WDR36: variants seen among roughly 807,000 people sequenced by gnomAD.
WDR36 encodes WD repeat-containing protein 36.
WDR36 carries 63 observed loss-of-function variants against 112.7 expected under a neutral mutation model. That is an observed-to-expected ratio of 0.56 (90% CI 0.46 to 0.69). The LOEUF (loss-of-function observed/expected upper bound fraction) is 0.69, where lower values mean the gene tolerates loss of function less well. Among genes scored for constraint, WDR36 ranks in the 30% least tolerant of loss-of-function variants. WDR36 has a pLI of 0.00. For synonymous variants in WDR36, 410 were observed against 362.2 expected (o/e 1.13, Z -1.50); for missense variants, 1,226 against 1,070.3 (o/e 1.15, Z -2.03).
chr5:111,101,483 A>AGT (rs1168068606), intron 5 of WDR36, among the ~76,000 whole-genome samples: 1 of 151,884 alleles, frequency 6.6e-6, no homozygotes, highest in African/African-American at 2.4e-5. Flanking sequence ...TAGGGTTAAA[A>AGT]GTACTTCCAT....
intron 21 of WDR36, 46 bp from the exon 22 acceptor site, chr5:111,125,562 T>G: frequency 6.4e-7 from 1 of 1,566,604 alleles, no homozygotes; most frequent in Non-Finnish European, 8.7e-7. Flanking sequence ...ATTTTCTAAG[T>G]TAAATGATTA....
chr5:111,093,311 G>C (rs1390565018), intron 1 of WDR36, among the ~76,000 whole-genome samples: 1 of 152,212 alleles, frequency 6.6e-6, no homozygotes, highest in Non-Finnish European at 1.5e-5. Context: ...TTCTCCGAAA[G>C]AATGTAACCT....
At chr5:111,114,798 A>G (rs1753422542) in intron 16 of WDR36, among the ~76,000 whole-genome samples, 1 of 152,234 alleles carries the variant, frequency 6.6e-6, no homozygotes, top group Admixed American at 6.5e-5. Context: ...ATTGCTTTAA[A>G]ATAAGAAAGT....
In WDR36 at chr5:111,129,368, T is replaced by C. The variant is rs898872292; in HGVS notation, c.*2485T>C. 3 of 193,052 alleles carry C rather than the reference T, an allele frequency of 1.6e-5. No individual in the cohort carries two copies. Among genetic ancestry groups the C allele is most frequent in the Non-Finnish European group, 3.2e-5 (3 of 92,512 alleles). The allele number at this position is 193,052 out of a possible 1,614,324, so 12.0% of individuals were successfully genotyped here. ...AGTTACAGTTCCCCTGAGCAAGATA[T>C]GAGCATCTGCTTCCCCATGTAATTA... On this transcript the variant is annotated 3_prime_UTR_variant, in exon 23 of 23. Coordinates refer to ENST00000513710, the MANE Select transcript of WDR36 (RefSeq NM_139281.3).
intron 19 of WDR36, among the ~76,000 whole-genome samples, chr5:111,121,442 A>G (rs1018664730): frequency 6.6e-6 from 1 of 152,194 alleles, no homozygotes; most frequent in Non-Finnish European, 1.5e-5. Context: ...TCACTTTTAT[A>G]TAAGTTTCTA....
At chr5:111,120,921 C>T in intron 18 of WDR36, 75 bp from the exon 19 acceptor site, 2 of 1,270,752 alleles carry the variant, frequency 1.6e-6, no homozygotes, top group Admixed American at 1.8e-5. Flanking sequence ...TTATGAAATA[C>T]AGATGGATTT....
In WDR36 at chr5:111,127,980, A is replaced by G. The variant is rs1228312901; in HGVS notation, c.*1097A>G. 4.9e-6 allele frequency: 1 copy of G among 203,818 alleles called. No individual in the cohort carries two copies. Among genetic ancestry groups the G allele is most frequent in the African/African-American group, 2.3e-5 (1 of 43,338 alleles). The allele number at this position is 203,818 out of a possible 1,614,324, so 12.6% of individuals were successfully genotyped here. ...TTGGGGGGGACCTTTTAATTTGGGA[A>G]GAAAATGCTGAGTATACTTTTCTTT... is the stretch of plus-strand genomic sequence containing the variant. On this transcript the variant is annotated 3_prime_UTR_variant, in exon 23 of 23. Coordinates refer to ENST00000513710, the MANE Select transcript of WDR36 (RefSeq NM_139281.3).
Position 111,123,919 on chromosome 5 carries a change from C to T in WDR36, c.2263C>T (p.Gln755Ter), listed in dbSNP as rs1352822483. 1 of 1,613,562 alleles carries T rather than the reference C, an allele frequency of 6.2e-7. No homozygotes were observed. The highest frequency in any genetic ancestry group is 1.3e-5 in the African/African-American group (1 of 75,036). The change falls in exon 20 of 23, where the codon CAG becomes TAG. Residue 755 changes from glutamine to a stop codon, truncating the protein, a stop_gained. Transcript: ENST00000513710. LOFTEE classifies it high-confidence loss of function. ...TGCACCTGAACAAAATAATGATCCC[C>T]AGCAGGTAAAAAACAAATTAGAAGA... ...YAAPEQNNDP[Q>*]QSKVVNLGVL...
intron 2 of WDR36, 85 bp from the exon 3 acceptor site, chr5:111,096,994 C>T: frequency 3.5e-6 from 3 of 864,016 alleles, no homozygotes. Context: ...TAAATTATAG[C>T]CATGAAAAAT....
At chr5:111,104,950 A>C in intron 9 of WDR36, 133 bp downstream of exon 9, 1 of 1,384,788 alleles carries the variant, frequency 7.2e-7, no homozygotes, top group Non-Finnish European at 1.0e-6. Context: ...GGGTAAAACT[A>C]AGAGTCCTTT....
rs1752947164 is a variant in WDR36, at chr5:111,095,076, G to A, written c.190+129G>A. ...TATGTCTTATAAACTTACATTATCAGCAACAAAAAAGGGTGCCAGGATAAA... is the reference window on the plus strand; with the variant it reads ...TATGTCTTATAAACTTACATTATCAACAACAAAAAAGGGTGCCAGGATAAA... On this transcript the variant is annotated intron_variant, in intron 2 of 22. Transcript: ENST00000513710. The A allele has an allele frequency of 3.6e-6, 3 of 835,920 alleles. No individual in the cohort carries two copies. The Admixed American group carries it at 8.1e-5, about 23-fold the overall frequency. The allele number at this position is 835,920 out of a possible 1,614,324, so 51.8% of individuals were successfully genotyped here. A position where few individuals can be genotyped will look rare whatever the true frequency, so the allele number is the denominator to read the frequency against.
chr5:111,112,718 A>G (rs1017974294), intron 15 of WDR36, among the ~76,000 whole-genome samples: 1 of 151,952 alleles, frequency 6.6e-6, no homozygotes, highest in Non-Finnish European at 1.5e-5. Context: ...CTTAAGCTTC[A>G]AGAAAAGTAA....
rs150945154 is a variant in WDR36, at chr5:111,119,042, C to T, written c.1826C>T (p.Ala609Val). The change falls in exon 17 of 23, where the codon GCT becomes GTT. Residue 609 changes from alanine (A) to valine (V), a missense_variant. Coordinates refer to ENST00000513710, the MANE Select transcript of WDR36 (RefSeq NM_139281.3). ...CLIDCFLLDS[A>V]PLNVSMSPTG... ...ATAGACTGCTTTTTGTTGGACTCGG[C>T]TCCTCTCAATGTTTCTATGTCTCCT... 6.2e-7 allele frequency: 1 copy of T among 1,613,572 alleles called. No homozygotes were observed. The highest frequency in any genetic ancestry group is 8.5e-7 in the Non-Finnish European group (1 of 1,179,590).
At chr5:111,095,109 T>A in intron 2 of WDR36, 162 bp downstream of exon 2, 2 of 650,454 alleles carry the variant, frequency 3.1e-6, no homozygotes, top group Non-Finnish European at 5.3e-6. Flanking sequence ...AAATCATGTT[T>A]TGCTTTTAGT....
At chr5:111,094,425 C>T (rs1206625330) in intron 1 of WDR36, among the ~76,000 whole-genome samples, 1 of 152,040 alleles carries the variant, frequency 6.6e-6, no homozygotes, top group East Asian at 1.9e-4. Flanking sequence ...GTCTAGCCCA[C>T]TGTTTGTTTT....
chr5:111,102,078 A>C (rs1465700320), intron 5 of WDR36, among the ~76,000 whole-genome samples: 1 of 151,526 alleles, frequency 6.6e-6, no homozygotes, highest in Non-Finnish European at 1.5e-5. Context: ...GTAATATAAC[A>C]TGATTTTTAC....
chr5:111,092,613 T>C lies in WDR36; in HGVS notation c.157T>C (p.Tyr53His), dbSNP rs757580168. Reference protein sequence around the residue: ...TTCVGKSFHTYDVQKLSLVAV... With the variant: ...TTCVGKSFHTHDVQKLSLVAV... Reference sequence around the variant, plus strand: ...CTGCGTGGGCAAGAGTTTCCACACCTATGACGTGAGTGACTTCTTTTGTTA... The same window carrying C: ...CTGCGTGGGCAAGAGTTTCCACACCCATGACGTGAGTGACTTCTTTTGTTA... The change falls in exon 1 of 23, where the codon TAT (tyrosine) becomes CAT (histidine). Residue 53 changes from tyrosine to histidine, a missense_variant. Tyr to His is a moderately conservative substitution (Grantham distance 83). Transcript: ENST00000513710. 55 of 1,612,874 alleles carry C rather than the reference T, an allele frequency of 3.4e-5. No individual in the cohort carries two copies. The highest frequency in any genetic ancestry group is 4.6e-5 in the Non-Finnish European group (54 of 1,179,928).
intron 1 of WDR36, among the ~76,000 whole-genome samples, chr5:111,093,550 TG>T (rs1203150807): frequency 1.3e-5 from 2 of 152,200 alleles, no homozygotes; most frequent in African/African-American, 4.8e-5. Flanking sequence ...GAGCTGGTAA[TG>T]GAGACAGGGT....
chr5:111,109,239 T>C (rs928476787), intron 12 of WDR36, among the ~76,000 whole-genome samples: 1 of 151,416 alleles, frequency 6.6e-6, no homozygotes, highest in Admixed American at 6.6e-5. Flanking sequence ...TAAACATTTA[T>C]GAATTTTTCA....
Sources: gnomAD v4.1 joint callset for allele counts (sites outside exome capture counted in the v4.1 genomes callset) on GRCh38, gnomAD v4.1.1 for gene constraint, MANE v1.5 for transcripts, NCBI Gene and HGNC (gene_info 2026-07-23, HGNC 2026-07-21) for gene names.